SLC44A5: variants seen among roughly 807,000 people sequenced by gnomAD.
SLC44A5 encodes the protein choline transporter-like protein 5.
In SLC44A5, 57 loss-of-function variants were observed where a neutral mutation model predicts 101.8. The observed-to-expected ratio is 0.56, with a 90% CI of 0.45 to 0.70. The LOEUF (loss-of-function observed/expected upper bound fraction) is 0.70, where lower values mean the gene tolerates loss of function less well. Among genes scored for constraint, SLC44A5 ranks in the 30% least tolerant of loss-of-function variants. SLC44A5 has a pLI of 0.00. For missense variants in SLC44A5, 737 were observed against 853.1 expected (o/e 0.86, Z 1.70); for synonymous variants, 281 against 290.9 (o/e 0.97, Z 0.35).
At chr1:75,364,921 A>C (rs1659752802) in intron 3 of SLC44A5, among the ~76,000 whole-genome samples, 1 of 151,344 alleles carries the variant, frequency 6.6e-6, no homozygotes, top group South Asian at 2.1e-4. Flanking sequence ...TATTTCTAGG[A>C]TTTTTCTTAT....
At chr1:75,604,901 T>C (rs1424677728) in intron 1 of SLC44A5, among the ~76,000 whole-genome samples, 1 of 151,990 alleles carries the variant, frequency 6.6e-6, no homozygotes, top group Non-Finnish European at 1.5e-5. Context: ...CATTTTTCAG[T>C]TCCAAAAGTC....
chr1:75,464,628 A>C (rs1258099313), intron 2 of SLC44A5, among the ~76,000 whole-genome samples: 4 of 152,126 alleles, frequency 2.6e-5, no homozygotes, highest in Non-Finnish European at 5.9e-5. Context: ...AAAAAAAAGA[A>C]GTAATAACCT....
rs757242110 is a variant in SLC44A5 at position 75,217,865 on chromosome 1, C to T, written c.1624+1G>A. The T allele has an allele frequency of 1.5e-5, 23 of 1,562,926 alleles. No individual in the cohort carries two copies. The highest frequency in any genetic ancestry group is 2.2e-5 in the South Asian group (2 of 89,878). On this transcript the variant is annotated splice_donor_variant, in intron 18 of 23. Transcript: ENST00000370859. LOFTEE classifies it high-confidence loss of function. ...AAAAGTCAGGACATCTGAAATCTTA[C>T]GTTTAAGACGGTGGTCCAAGTATTC...
At chr1:75,411,226 T>C (rs963478101) in intron 2 of SLC44A5, among the ~76,000 whole-genome samples, 2 of 152,168 alleles carry the variant, frequency 1.3e-5, no homozygotes, top group East Asian at 3.9e-4. Context: ...TTTAAGCACA[T>C]TTAGAGAGTT....
chr1:75,203,563 T>G lies in SLC44A5; in HGVS notation c.*164A>C. The stretch of plus-strand genomic sequence containing the variant: ...AATTCCCTTGCGACTTCTGATGGCT[T>G]CACATAGTACAGTATAAGCTTTGGT... On this transcript the variant is annotated 3_prime_UTR_variant, in exon 24 of 24. Transcript: ENST00000370859. 1 of 599,442 alleles carries G rather than the reference T, an allele frequency of 1.7e-6. No individual in the cohort carries two copies. Among genetic ancestry groups the G allele is most frequent in the Non-Finnish European group, 2.5e-6 (1 of 394,388 alleles). The allele number at this position is 599,442 out of a possible 1,614,324, so 37.1% of individuals were successfully genotyped here. A position where few individuals can be genotyped will look rare whatever the true frequency, so the allele number is the denominator to read the frequency against.
At chr1:75,634,791 AC>A in the SLC44A5 span, among the ~76,000 whole-genome samples, 2 of 152,154 alleles carry the variant, frequency 1.3e-5, no homozygotes, top group African/African-American at 4.8e-5. Context: ...AGCAATGGCA[AC>A]AAAAGACAAA....
chr1:75,454,206 C>T, intron 2 of SLC44A5, among the ~76,000 whole-genome samples: 1 of 152,098 alleles, frequency 6.6e-6, no homozygotes, highest in East Asian at 1.9e-4. Context: ...TCTCCATGAT[C>T]AAGTGGGCTT....
the SLC44A5 span, chr1:75,641,635 A>G: frequency 3.4e-5 from 50 of 1,491,016 alleles, no homozygotes; most frequent in East Asian, 1.1e-3. Context: ...TCAAAATTGC[A>G]TAACAAGGAA....
chr1:75,558,942 T>C (rs1181095639), intron 1 of SLC44A5, among the ~76,000 whole-genome samples: 1 of 152,108 alleles, frequency 6.6e-6, no homozygotes, highest in Non-Finnish European at 1.5e-5. Flanking sequence ...TAGCCAACAC[T>C]AAATGCTTCT....
At chr1:75,372,963 T>A (rs1311150514) in intron 3 of SLC44A5, among the ~76,000 whole-genome samples, 1 of 152,168 alleles carries the variant, frequency 6.6e-6, no homozygotes, top group African/African-American at 2.4e-5. Context: ...AATTAAGGAA[T>A]CAAACTCATA....
At chr1:75,628,550 G>C in the SLC44A5 span, among the ~76,000 whole-genome samples, 3 of 152,072 alleles carry the variant, frequency 2.0e-5, no homozygotes, top group Non-Finnish European at 4.4e-5. Flanking sequence ...TTAAGGTTTC[G>C]ATATTGGATT....
chr1:75,715,072 T>C, the SLC44A5 span, among the ~76,000 whole-genome samples: 1 of 152,098 alleles, frequency 6.6e-6, no homozygotes. Flanking sequence ...ACAAAATACC[T>C]AGAAATATAG....
the SLC44A5 span, among the ~76,000 whole-genome samples, chr1:75,645,277 C>T: frequency 6.6e-6 from 1 of 152,196 alleles, no homozygotes; most frequent in Non-Finnish European, 1.5e-5. Flanking sequence ...TCCACATCCT[C>T]TCCAGCACCT....
Position 75,391,939 on chromosome 1 carries a change from A to C in SLC44A5, c.52+4644T>G, listed in dbSNP as rs1276426904. Among the ~76,000 whole-genome samples the C allele has an allele frequency of 2.0e-5, 3 of 152,176 alleles. No individual in the cohort carries two copies. In the East Asian group the frequency reaches 5.8e-4, roughly 29 times the overall value. On this transcript the variant is annotated intron_variant, in intron 3 of 23. Transcript: ENST00000370859. ...GAGGCCAAGATGGGTGGATTGCTTG[A>C]GTCTGGAAGTTTGAGACCAGCCTGG... is the stretch of plus-strand genomic sequence containing the variant.
chr1:75,619,067 T>A, the SLC44A5 span, among the ~76,000 whole-genome samples: 1 of 42,870 alleles, frequency 2.3e-5, no homozygotes, highest in Non-Finnish European at 4.1e-5. Context: ...CGAAACTCTG[T>A]CTCAAAAAAA....
In SLC44A5 at chr1:75,281,646, C is replaced by CCG. The variant is rs1341363797; in HGVS notation, c.176-6605_176-6604insCG. Among the ~76,000 whole-genome samples the CCG allele has an allele frequency of 9.0e-5, 10 of 111,134 alleles. 1 individual carries two copies. Among genetic ancestry groups the CCG allele is most frequent in the Non-Finnish European group, 6.3e-5 (3 of 47,674 alleles). 72.9% of individuals were successfully genotyped at this position (111,134 alleles called of 152,430 possible). On this transcript the variant is annotated intron_variant, in intron 5 of 23. Coordinates refer to ENST00000370859, the MANE Select transcript of SLC44A5 (RefSeq NM_001130058.2). ...CTGGGCTGGTGCCAGGCCCCCCCCCCCCCCCGCTGCATTTAGCCTAGGGAC... is the reference window on the plus strand; with the variant it reads ...CTGGGCTGGTGCCAGGCCCCCCCCCCCGCCCCCGCTGCATTTAGCCTAGGGAC...
At chr1:75,643,766 C>T in the SLC44A5 span, among the ~76,000 whole-genome samples, 1 of 152,244 alleles carries the variant, frequency 6.6e-6, no homozygotes, top group Non-Finnish European at 1.5e-5. Context: ...AGCCTTCCAT[C>T]ATGATTGTGA....
chr1:75,252,550 G>A (rs769508858), intron 6 of SLC44A5, among the ~76,000 whole-genome samples: 4 of 152,196 alleles, frequency 2.6e-5, no homozygotes, highest in Non-Finnish European at 5.9e-5. Flanking sequence ...AATCCTCACT[G>A]AGGAGAGGAC....
chr1:75,627,347 T>C, the SLC44A5 span, among the ~76,000 whole-genome samples: 1 of 151,940 alleles, frequency 6.6e-6, no homozygotes, highest in South Asian at 2.1e-4. Flanking sequence ...GCAATAGTAT[T>C]TTGGGATCAG....
Sources: allele counts gnomAD v4.1 joint callset (sites outside exome capture counted in the v4.1 genomes callset), GRCh38; gene constraint gnomAD v4.1.1; transcripts MANE v1.5; gene names NCBI Gene and HGNC (gene_info 2026-07-23, HGNC 2026-07-21).